The following MPDZ variants were observed in gnomAD, a reference collection of about 807,000 sequenced individuals.
The protein encoded by MPDZ is multiple PDZ domain crumbs cell polarity complex component.
Under a neutral mutation model 239.1 loss-of-function variants are expected in MPDZ, and 234 were observed. That is an observed-to-expected ratio of 0.98 (90% CI 0.88 to 1.09). The LOEUF (loss-of-function observed/expected upper bound fraction) is 1.09. Ranked by LOEUF, MPDZ falls within the 50% of genes least tolerant of loss-of-function variation. The pLI is 0.00. For synonymous variants in MPDZ, 1,048 were observed against 881.3 expected (o/e 1.19, Z -3.35); for missense variants, 3,175 against 2,510.0 (o/e 1.26, Z -5.66).
At chr9:13,187,521 T>A (rs1157378577) in intron 17 of MPDZ, among the ~76,000 whole-genome samples, 2 of 152,146 alleles carry the variant, frequency 1.3e-5, no homozygotes, top group Admixed American at 6.6e-5. Context: ...ACAAGCCTGG[T>A]TCGATTTCAG....
At chr9:13,190,905 T>C (rs992969340) in intron 15 of MPDZ, among the ~76,000 whole-genome samples, 1 of 152,138 alleles carries the variant, frequency 6.6e-6, no homozygotes, top group African/African-American at 2.4e-5. Context: ...ACCCATCTCA[T>C]AGAATTTTCT....
rs140135718 is a variant in MPDZ at position 13,196,540 on chromosome 9, C to T, written c.1547-310G>A. Among the ~76,000 whole-genome samples the T allele has an allele frequency of 1.1e-3, 172 of 152,168 alleles. 1 individual carries two copies. The highest frequency in any genetic ancestry group is 4.1e-3 in the African/African-American group (171 of 41,538). On this transcript the variant is annotated intron_variant, in intron 12 of 46. Coordinates refer to ENST00000319217, the MANE Select transcript of MPDZ (RefSeq NM_001378778.1). ...GCAGTTCCAGAATTCACTTCATAGTCCTCTGGTAATGCTACAGTAAAAAGG... is the reference window on the plus strand; with the variant it reads ...GCAGTTCCAGAATTCACTTCATAGTTCTCTGGTAATGCTACAGTAAAAAGG...
chr9:13,150,064 A>G (rs774130318), intron 25 of MPDZ, among the ~76,000 whole-genome samples: 2 of 152,122 alleles, frequency 1.3e-5, no homozygotes, highest in Non-Finnish European at 2.9e-5. Flanking sequence ...ACTTAATTAT[A>G]TCTACATTTT....
At chr9:13,231,471 G>A (rs1962440875) in intron 3 of MPDZ, among the ~76,000 whole-genome samples, 1 of 152,092 alleles carries the variant, frequency 6.6e-6, no homozygotes, top group Non-Finnish European at 1.5e-5. Flanking sequence ...GGAGGTTGAA[G>A]CACGAGAATC....
At chr9:13,202,587 A>T (rs1956517465) in intron 12 of MPDZ, among the ~76,000 whole-genome samples, 1 of 152,136 alleles carries the variant, frequency 6.6e-6, no homozygotes, top group Non-Finnish European at 1.5e-5. Flanking sequence ...ATTCACCCCA[A>T]GTGCTTTAGC....
intron 3 of MPDZ, among the ~76,000 whole-genome samples, chr9:13,247,223 G>A (rs1966762950): frequency 6.6e-6 from 1 of 150,522 alleles, no homozygotes; most frequent in African/African-American, 2.5e-5. Context: ...TCATACACAT[G>A]ATTACACATG....
At chr9:13,279,299 A>ACCCCCCCCCCCGCCCCC (rs1564192602) in intron 1 of MPDZ, 101 bp downstream of exon 1, 1 of 113,994 alleles carries the variant, frequency 8.8e-6, no homozygotes, top group Non-Finnish European at 1.9e-5. Context: ...CCCCACCCCC[A>ACCCCCCCCCCCGCCCCC]AGCGCCGAGC....
At position 13,192,231 on chromosome 9, in the gene MPDZ, G is replaced by A. The variant is rs1298922627; in HGVS notation, c.1868C>T (p.Pro623Leu). ...QDVVNILKEL[P>L]IEVTMVCCRR... ...ACAGCACACCATTGTCACTTCTATA[G>A]GCAGTTCTTTTAAGATATTCACCAC... Residue 623 changes from proline to leucine, a missense_variant, in exon 15 of 47, where the codon CCT (proline) becomes CTT (leucine). Physicochemically the swap from Pro to Leu is moderately conservative, Grantham distance 98 (BLOSUM62 -3). Coordinates refer to ENST00000319217, the MANE Select transcript of MPDZ (RefSeq NM_001378778.1). The A allele has an allele frequency of 1.2e-6, 2 of 1,608,202 alleles. No individual in the cohort carries two copies. Among genetic ancestry groups the A allele is most frequent in the East Asian group, 2.2e-5 (1 of 44,582 alleles).
intron 36 of MPDZ, 50 bp downstream of exon 36, chr9:13,123,103 G>A (rs779042508): frequency 1.3e-6 from 2 of 1,530,266 alleles, no homozygotes; most frequent in Non-Finnish European, 8.8e-7. Context: ...TCGTCTCTGA[G>A]GCCTGGCTGA....
At chr9:13,254,692 CAA>C (rs1968991543) in intron 1 of MPDZ, among the ~76,000 whole-genome samples, 1 of 152,118 alleles carries the variant, frequency 6.6e-6, no homozygotes, top group African/African-American at 2.4e-5. Flanking sequence ...TCAGTGCGTA[CAA>C]AAGTCATGTT....
intron 43 of MPDZ, among the ~76,000 whole-genome samples, chr9:13,111,443 T>C (rs1586862224): frequency 6.6e-6 from 1 of 152,134 alleles, no homozygotes; most frequent in Non-Finnish European, 1.5e-5. Flanking sequence ...TATGAAACCA[T>C]AGAGATTTTG....
intron 2 of MPDZ, among the ~76,000 whole-genome samples, chr9:13,249,328 T>C (rs1001249529): frequency 6.6e-6 from 1 of 152,196 alleles, no homozygotes; most frequent in Admixed American, 6.5e-5. Flanking sequence ...AACAACAGTT[T>C]AAATAATTCT....
intron 20 of MPDZ, 61 bp from the exon 21 acceptor site, chr9:13,175,936 G>A: frequency 6.6e-7 from 1 of 1,525,936 alleles, no homozygotes; most frequent in Non-Finnish European, 8.8e-7. Context: ...TTTGGAGCGT[G>A]ATTTCAACAT....
rs540812632 is a variant in MPDZ, at chr9:13,159,636, G to T, written c.3360-1526C>A. On this transcript the variant is annotated intron_variant, in intron 23 of 46. Transcript: ENST00000319217. ...ATTCAGTGACAGGCAGGGGATGGGG[G>T]GAGGTCCTTAGCCCTAAAGCCTAAG... Among the ~76,000 whole-genome samples, 5 of 152,196 alleles carry T rather than the reference G, an allele frequency of 3.3e-5. No homozygotes were observed. The East Asian group carries it at 7.7e-4, about 24-fold the overall frequency.
intron 12 of MPDZ, 151 bp downstream of exon 12, chr9:13,204,885 A>G: frequency 2.2e-6 from 1 of 445,310 alleles, no homozygotes; most frequent in Non-Finnish European, 3.9e-6. Context: ...CCACTTAGTC[A>G]CATTTATAAA....
At chr9:13,246,491 G>C (rs1966620941) in intron 3 of MPDZ, among the ~76,000 whole-genome samples, 1 of 152,124 alleles carries the variant, frequency 6.6e-6, no homozygotes, top group Non-Finnish European at 1.5e-5. Context: ...TTGTAAAGGA[G>C]ACAAACACAA....
At chr9:13,201,799 G>C (rs1956420055) in intron 12 of MPDZ, among the ~76,000 whole-genome samples, 1 of 151,920 alleles carries the variant, frequency 6.6e-6, no homozygotes, top group African/African-American at 2.4e-5. Context: ...AAGATACAAA[G>C]ATAAAAATAA....
chr9:13,107,146 A>G (rs749161148), intron 46 of MPDZ, 35 bp from the exon 47 acceptor site: 1 of 1,528,882 alleles, frequency 6.5e-7, no homozygotes, highest in Admixed American at 1.8e-5. Context: ...TTATTTCTCA[A>G]AAAATGCTGC....
chr9:13,122,615 C>T (rs1335397704), intron 36 of MPDZ, among the ~76,000 whole-genome samples: 5 of 151,654 alleles, frequency 3.3e-5, no homozygotes, highest in African/African-American at 2.4e-5. Flanking sequence ...CTGCCTCCCA[C>T]GTTCAAGAGA....
Sources: gnomAD v4.1 joint callset for allele counts (sites outside exome capture counted in the v4.1 genomes callset) on GRCh38, gnomAD v4.1.1 for gene constraint, MANE v1.5 for transcripts, NCBI Gene and HGNC (gene_info 2026-07-23, HGNC 2026-07-21) for gene names.